The following LPP variants were observed in gnomAD, a reference collection of about 807,000 sequenced individuals.
The protein encoded by LPP is lipoma-preferred partner.
A neutral mutation model predicts 60.4 loss-of-function variants in LPP; 38 were observed. The ratio of observed to expected loss-of-function variants is 0.63; its 90% CI spans 0.49 to 0.83. The LOEUF is 0.83. Ranked by LOEUF, LPP falls within the 40% of genes least tolerant of loss-of-function variation. LPP has a pLI of 0.00. For synonymous variants in LPP, 328 were observed against 290.8 expected (o/e 1.13, Z -1.30); for missense variants, 902 against 783.6 (o/e 1.15, Z -1.80).
chr3:188,789,038 C>T (rs984983679), intron 9 of LPP, among the ~76,000 whole-genome samples: 2 of 151,934 alleles, frequency 1.3e-5, no homozygotes, highest in Non-Finnish European at 2.9e-5. Context: ...TGGCCACTAA[C>T]CTCAGTTATT....
chr3:188,476,673 T>A (rs1803317508), intron 4 of LPP, among the ~76,000 whole-genome samples: 1 of 152,210 alleles, frequency 6.6e-6, no homozygotes, highest in African/African-American at 2.4e-5. Context: ...ACTTGAGTAT[T>A]ATCAAAATTA....
intron 10 of LPP, among the ~76,000 whole-genome samples, chr3:188,869,150 A>T (rs755022708): frequency 2.0e-5 from 3 of 152,166 alleles, no homozygotes; most frequent in Non-Finnish European, 2.9e-5. Context: ...AGAGTTAGTA[A>T]AGGGTTCTCT....
At chr3:188,653,445 AAC>A (rs1244729774) in intron 7 of LPP, among the ~76,000 whole-genome samples, 1 of 152,198 alleles carries the variant, frequency 6.6e-6, no homozygotes, top group East Asian at 1.9e-4. Flanking sequence ...CTGTGAACAT[AAC>A]ACACAATTAT....
intron 2 of LPP, among the ~76,000 whole-genome samples, chr3:188,268,294 A>C (rs1736354759): frequency 6.6e-6 from 1 of 152,246 alleles, no homozygotes; most frequent in Admixed American, 6.5e-5. Flanking sequence ...AAAACAAAAA[A>C]AACAAAAACA....
rs1715304233 is a variant in LPP, at chr3:188,154,174, T to TGCCTCC, written c.-261_-256dup. The TGCCTCC allele has an allele frequency of 4.7e-6, 1 of 214,374 alleles. No homozygotes were observed. Among genetic ancestry groups the TGCCTCC allele is most frequent in the Admixed American group, 6.0e-5 (1 of 16,678 alleles). 13.3% of individuals were successfully genotyped at this position (214,374 alleles called of 1,614,324 possible). ...GCCCGGGCACCTCCTCCTCTGCCTCTGCCTCCGCCTCCAGCCGCCGCCGCC... is the reference window on the plus strand; with the variant it reads ...GCCCGGGCACCTCCTCCTCTGCCTCTGCCTCCGCCTCCGCCTCCAGCCGCCGCCGCC... On this transcript the variant is annotated 5_prime_UTR_variant, in exon 1 of 12. Transcript: ENST00000617246.
intron 6 of LPP, among the ~76,000 whole-genome samples, chr3:188,548,167 G>A (rs1452165886): frequency 2.6e-5 from 4 of 152,180 alleles, no homozygotes; most frequent in East Asian, 1.9e-4. Flanking sequence ...TGGTGAAGGC[G>A]ATATGGTGTG....
At chr3:188,734,621 G>A (rs1394045731) in intron 8 of LPP, among the ~76,000 whole-genome samples, 2 of 152,196 alleles carry the variant, frequency 1.3e-5, no homozygotes, top group African/African-American at 2.4e-5. Context: ...AGGGGTGACT[G>A]GGAGACATGG....
intron 9 of LPP, among the ~76,000 whole-genome samples, chr3:188,769,242 A>G (rs2030582): frequency 0.65 from 98,248 of 152,136 alleles, 32,229 homozygotes; most frequent in East Asian, 0.99. Flanking sequence ...AGCCTCTCTC[A>G]CTTTAATAGA....
At chr3:188,302,777 A>G (rs1309261360) in intron 2 of LPP, among the ~76,000 whole-genome samples, 4 of 152,198 alleles carry the variant, frequency 2.6e-5, no homozygotes, top group Non-Finnish European at 5.9e-5. Flanking sequence ...TATCATCACA[A>G]ACAAGCCTGA....
At chr3:188,844,121 G>A (rs1760846895) in intron 9 of LPP, among the ~76,000 whole-genome samples, 2 of 152,160 alleles carry the variant, frequency 1.3e-5, no homozygotes, top group South Asian at 4.1e-4. Flanking sequence ...CTTCAAAACT[G>A]CACTATGGAT....
At chr3:188,815,043 G>A (rs527706486) in intron 9 of LPP, among the ~76,000 whole-genome samples, 8 of 152,272 alleles carry the variant, frequency 5.3e-5, no homozygotes, top group African/African-American at 1.4e-4. Context: ...AGTGCTTCGC[G>A]CACAATAAAA....
At chr3:188,363,017 TTATC>T (rs1264108863) in intron 3 of LPP, among the ~76,000 whole-genome samples, 7 of 138,322 alleles carry the variant, frequency 5.1e-5, no homozygotes, top group Non-Finnish European at 1.1e-4. Flanking sequence ...ATTACAATTA[TTATC>T]TATTTATTTT....
intron 4 of LPP, among the ~76,000 whole-genome samples, chr3:188,441,604 C>CTT (rs1793873957): frequency 2.5e-5 from 1 of 39,970 alleles, no homozygotes; most frequent in Non-Finnish European, 4.8e-5. Flanking sequence ...TTTTTCTTTT[C>CTT]TTTTCTTTTT....
intron 1 of LPP, among the ~76,000 whole-genome samples, chr3:188,188,549 G>A (rs547287624): frequency 6.6e-6 from 1 of 151,954 alleles, no homozygotes; most frequent in South Asian, 2.1e-4. Flanking sequence ...CTTATTCACT[G>A]GAATTGTTTC....
At chr3:188,535,712 T>A (rs1448893477) in intron 6 of LPP, among the ~76,000 whole-genome samples, 2 of 152,204 alleles carry the variant, frequency 1.3e-5, no homozygotes, top group Non-Finnish European at 2.9e-5. Flanking sequence ...TTGATGACAA[T>A]GTATTTTGTT....
intron 8 of LPP, among the ~76,000 whole-genome samples, chr3:188,748,094 AT>A (rs1374317977): frequency 6.6e-6 from 1 of 152,220 alleles, no homozygotes; most frequent in Admixed American, 6.5e-5. Context: ...AGCCCCAGAT[AT>A]ATAAGTACAT....
At chr3:188,505,127 G>A (rs990627237) in intron 5 of LPP, among the ~76,000 whole-genome samples, 4 of 152,146 alleles carry the variant, frequency 2.6e-5, no homozygotes, top group Admixed American at 1.3e-4. Flanking sequence ...CCTCCAGAAA[G>A]TAGACTCCTT....
intron 4 of LPP, among the ~76,000 whole-genome samples, chr3:188,462,539 GAGCTTTATATATATATATAT>G (rs1560435910): frequency 1.3e-5 from 1 of 77,398 alleles, no homozygotes; most frequent in Non-Finnish European, 2.5e-5. Flanking sequence ...CAATTTATAT[GAGCTTTATATATATATATAT>G]ATATATATAT....
At chr3:188,665,236 T>TGA (rs1458583015) in intron 7 of LPP, among the ~76,000 whole-genome samples, 1 of 152,186 alleles carries the variant, frequency 6.6e-6, no homozygotes, top group East Asian at 1.9e-4. Flanking sequence ...TTGAATGGGC[T>TGA]ACAGGCATTC....
Sources: gnomAD v4.1 joint callset for allele counts (sites outside exome capture counted in the v4.1 genomes callset) on GRCh38, gnomAD v4.1.1 for gene constraint, MANE v1.5 for transcripts, NCBI Gene and HGNC (gene_info 2026-07-23, HGNC 2026-07-21) for gene names.